Variants in ARNT observed in about 807,000 individuals in gnomAD.
ARNT encodes class E basic helix-loop-helix protein 2.
Under a neutral mutation model 105.0 loss-of-function variants are expected in ARNT, and 30 were observed. The ratio of observed to expected loss-of-function variants is 0.29; its 90% CI spans 0.21 to 0.39. The LOEUF (loss-of-function observed/expected upper bound fraction) is 0.39, where lower values mean the gene tolerates loss of function less well. Ranked by LOEUF, ARNT falls within the 10% of genes least tolerant of loss-of-function variation. The probability of loss-of-function intolerance (pLI) is 1.00; values close to 1 mark genes in which losing one functional copy is unlikely to be tolerated. For missense variants in ARNT, 748 were observed against 978.7 expected, an observed-to-expected ratio of 0.76 and a Z score of 3.15; for synonymous variants, 304 against 344.0, an observed-to-expected ratio of 0.88 and a Z score of 1.29.
intron 2 of ARNT, 42 bp downstream of exon 2, chr1:150,858,307 T>C (rs1347519328): frequency 4.1e-6 from 6 of 1,467,186 alleles, no homozygotes; most frequent in South Asian, 1.2e-5. Flanking sequence ...CTAAAGTTGG[T>C]TTATAGGAGA....
At chr1:150,854,761 G>A (rs1016412514) in intron 2 of ARNT, among the ~76,000 whole-genome samples, 1 of 150,530 alleles carries the variant, frequency 6.6e-6, no homozygotes, top group African/African-American at 2.4e-5. Flanking sequence ...GGAGGCTGAG[G>A]CATGAGAATT....
intron 2 of ARNT, among the ~76,000 whole-genome samples, chr1:150,855,128 A>T (rs1328970835): frequency 6.6e-6 from 1 of 152,194 alleles, no homozygotes; most frequent in East Asian, 1.9e-4. Flanking sequence ...CTAAAGAAAT[A>T]ATATGAAATA....
At chr1:150,822,327 G>A (rs1657267991) in intron 14 of ARNT, among the ~76,000 whole-genome samples, 1 of 152,110 alleles carries the variant, frequency 6.6e-6, no homozygotes. Context: ...GCTTCAAGAT[G>A]GGGGCTCATC....
rs10305739 is a variant in ARNT, at chr1:150,817,477, T to A, written c.1506-44A>T. 74,002 of 1,575,972 alleles carry A rather than the reference T, an allele frequency of 0.047. 2,101 individuals carry two copies. Among genetic ancestry groups the A allele is most frequent in the Non-Finnish European group, 0.053 (60,820 of 1,153,796 alleles). On this transcript the variant is annotated intron_variant, in intron 15 of 21. Transcript: ENST00000358595. ...TTGACAAGACAAATAGAAAAAAAAATTTTTTTTAAAAAAGAATCTGGAGAA... is the reference window on the plus strand; with the variant it reads ...TTGACAAGACAAATAGAAAAAAAAAATTTTTTTAAAAAAGAATCTGGAGAA...
chr1:150,811,138 G>C lies in ARNT; in HGVS notation c.*883C>G, dbSNP rs1317887373. On this transcript the variant is annotated 3_prime_UTR_variant, in exon 22 of 22. Transcript: ENST00000358595. Reference sequence around the variant, plus strand: ...CCAGCCTATTTAGGTAATGTTTGCAGATCTTCCAGATAAGGTGAGAGCACC... The same window carrying C: ...CCAGCCTATTTAGGTAATGTTTGCACATCTTCCAGATAAGGTGAGAGCACC... 3 of 233,298 alleles carry C rather than the reference G, an allele frequency of 1.3e-5. No individual in the cohort carries two copies. The highest frequency in any genetic ancestry group is 2.5e-5 in the Non-Finnish European group (3 of 117,804). 14.5% of individuals were successfully genotyped at this position (233,298 alleles called of 1,614,324 possible).
intron 1 of ARNT, among the ~76,000 whole-genome samples, chr1:150,866,655 G>A (rs1666636323): frequency 6.6e-6 from 1 of 151,908 alleles, no homozygotes; most frequent in Non-Finnish European, 1.5e-5. Context: ...GTATAGTTTT[G>A]ATTTAAATAA....
chr1:150,826,276 C>T (rs1215629128), intron 13 of ARNT, among the ~76,000 whole-genome samples: 1 of 152,108 alleles, frequency 6.6e-6, no homozygotes, highest in Non-Finnish European at 1.5e-5. Flanking sequence ...CCATGCCTGG[C>T]GCAATAGTTT....
At chr1:150,829,630 TA>T (rs1255569671) in intron 11 of ARNT, 13 of 565,140 alleles carry the variant, frequency 2.3e-5, no homozygotes, top group South Asian at 1.3e-4. Flanking sequence ...TTCTTTTGTA[TA>T]GGGGCAAAGG....
intron 19 of ARNT, among the ~76,000 whole-genome samples, chr1:150,815,298 C>T (rs1012449323): frequency 6.6e-6 from 1 of 152,012 alleles, no homozygotes; most frequent in African/African-American, 2.4e-5. Flanking sequence ...CCTGTAATCC[C>T]AGCACTTTGG....
At chr1:150,831,769 G>A in intron 10 of ARNT, 49 bp downstream of exon 10, 1 of 1,331,450 alleles carries the variant, frequency 7.5e-7, no homozygotes, top group Middle Eastern at 1.8e-4. Context: ...TGGACTCTGT[G>A]AGGAACCAAC....
At chr1:150,843,670 T>G (rs941683531) in intron 4 of ARNT, among the ~76,000 whole-genome samples, 1 of 152,126 alleles carries the variant, frequency 6.6e-6, no homozygotes, top group African/African-American at 2.4e-5. Flanking sequence ...TTCAAAAAGT[T>G]GAGCAACTTT....
At chr1:150,817,682 AC>A (rs1388712165) in intron 15 of ARNT, among the ~76,000 whole-genome samples, 1 of 151,800 alleles carries the variant, frequency 6.6e-6, no homozygotes, top group Non-Finnish European at 1.5e-5. Flanking sequence ...GGTGGCAGGC[AC>A]CTGTAATCCC....
intron 1 of ARNT, among the ~76,000 whole-genome samples, chr1:150,863,727 G>A (rs988702431): frequency 3.3e-5 from 5 of 151,558 alleles, no homozygotes; most frequent in Non-Finnish European, 5.9e-5. Context: ...TGAGATAGGA[G>A]AATTGCTTGA....
intron 1 of ARNT, among the ~76,000 whole-genome samples, chr1:150,862,238 T>C (rs962697894): frequency 2.6e-5 from 4 of 152,192 alleles, no homozygotes; most frequent in African/African-American, 9.6e-5. Flanking sequence ...TGTATCTTCA[T>C]GCACAGGTGC....
rs902024497 is a variant in ARNT, at chr1:150,860,477, A to G, written c.26-2017T>C. 5.9e-5 allele frequency among the ~76,000 whole-genome samples: 9 copies of G among 151,414 alleles called. No homozygotes were observed. The South Asian group carries it at 1.7e-3, about 28-fold the overall frequency. On this transcript the variant is annotated intron_variant, in intron 1 of 21. Transcript: ENST00000358595. ...GTGATCCGCCCACCTCAGCCTCCCA[A>G]AATGCTAGGATTACAGGCATGAGCC... is the stretch of plus-strand genomic sequence containing the variant.
chr1:150,870,564 G>A (rs139619420), intron 1 of ARNT, among the ~76,000 whole-genome samples: 198 of 152,242 alleles, frequency 1.3e-3, no homozygotes, highest in African/African-American at 4.6e-3. Context: ...CAGGAATGCA[G>A]TGGCACAATC....
intron 1 of ARNT, among the ~76,000 whole-genome samples, chr1:150,871,735 C>T (rs986156775): frequency 6.7e-6 from 1 of 149,338 alleles, no homozygotes; most frequent in Non-Finnish European, 1.5e-5. Context: ...CATGGAGAAA[C>T]CCTGTCTCTA....
intron 15 of ARNT, 95 bp downstream of exon 15, chr1:150,817,825 A>AAG: frequency 9.1e-7 from 1 of 1,096,638 alleles, no homozygotes; most frequent in East Asian, 2.6e-5. Flanking sequence ...AAAAAAAAAA[A>AAG]AAAAAATTAA....
intron 14 of ARNT, among the ~76,000 whole-genome samples, chr1:150,822,517 GATAGGTAAACAC>G (rs1657314014): frequency 6.6e-6 from 1 of 152,162 alleles, no homozygotes; most frequent in Non-Finnish European, 1.5e-5. Context: ...GGAGCTTCTT[GATAGGTAAACAC>G]ATGGAGATCC....
Sources: gnomAD v4.1 joint callset for allele counts (sites outside exome capture counted in the v4.1 genomes callset) on GRCh38, gnomAD v4.1.1 for gene constraint, MANE v1.5 for transcripts, NCBI Gene and HGNC (gene_info 2026-07-23, HGNC 2026-07-21) for gene names.